KCNU1: variants seen among roughly 807,000 people sequenced by gnomAD.
The protein encoded by KCNU1 is potassium calcium-activated channel subfamily U member 1.
A neutral mutation model predicts 126.8 loss-of-function variants in KCNU1; 93 were observed. That is an observed-to-expected ratio of 0.73 (90% CI 0.62 to 0.87). KCNU1 has a LOEUF of 0.87. KCNU1 is among the 40% of genes least tolerant of loss of function. The pLI, the probability that KCNU1 is intolerant of heterozygous loss-of-function variation, is 0.00. For missense variants in KCNU1, 1,330 were observed against 1,367.1 expected, an observed-to-expected ratio of 0.97 and a Z score of 0.43; for synonymous variants, 523 against 494.2, an observed-to-expected ratio of 1.06 and a Z score of -0.77.
At chr8:36,787,055 A>G (rs888200084) in intron 1 of KCNU1, among the ~76,000 whole-genome samples, 1 of 152,226 alleles carries the variant, frequency 6.6e-6, no homozygotes, top group Non-Finnish European at 1.5e-5. Context: ...GACCGGGTAT[A>G]CATGAGAAAG....
At position 36,936,072 on chromosome 8, in the gene KCNU1, C is replaced by A; in HGVS notation, c.*152C>A. The stretch of plus-strand genomic sequence containing the variant: ...GAAGGCCACACTGTTTTGGGTGAGA[C>A]AAAAGTCTAATGCCACTGGATCTTG... On this transcript the variant is annotated 3_prime_UTR_variant, in exon 27 of 27. Coordinates refer to ENST00000399881, the MANE Select transcript of KCNU1 (RefSeq NM_001031836.3). 3 of 585,070 alleles carry A rather than the reference C, an allele frequency of 5.1e-6. No homozygotes were observed. The highest frequency in any genetic ancestry group is 3.5e-5 in the Admixed American group (1 of 28,452). The allele number at this position is 585,070 out of a possible 1,614,324, so 36.2% of individuals were successfully genotyped here. A position where few individuals can be genotyped will look rare whatever the true frequency, so the allele number is the denominator to read the frequency against.
chr8:36,839,214 G>A (rs972960932), intron 14 of KCNU1, among the ~76,000 whole-genome samples: 4 of 152,198 alleles, frequency 2.6e-5, no homozygotes, highest in Admixed American at 6.5e-5. Context: ...CCTGGGTTCA[G>A]AGCATGGCCT....
intron 10 of KCNU1, among the ~76,000 whole-genome samples, chr8:36,826,306 T>A (rs1360525027): frequency 1.4e-4 from 21 of 151,828 alleles, no homozygotes; most frequent in Admixed American, 1.4e-3. Flanking sequence ...GCCTCCCGGG[T>A]TCAAGTGATT....
At chr8:36,887,408 G>A (rs1337243249) in intron 19 of KCNU1, among the ~76,000 whole-genome samples, 6 of 145,272 alleles carry the variant, frequency 4.1e-5, no homozygotes, top group African/African-American at 1.5e-4. Flanking sequence ...TTCTGAAAAC[G>A]TTGAGCATTT....
In KCNU1 at chr8:36,935,583, C is replaced by T. The variant is rs545521708; in HGVS notation, c.3113C>T (p.Pro1038Leu). The T allele has an allele frequency of 1.2e-6, 2 of 1,612,822 alleles. No individual in the cohort carries two copies. The highest frequency in any genetic ancestry group is 1.7e-5 in the Admixed American group (1 of 59,918). Residue 1038 changes from proline to leucine, a missense_variant, in exon 27 of 27, where the codon CCC (proline) becomes CTC (leucine). Coordinates refer to ENST00000399881, the MANE Select transcript of KCNU1 (RefSeq NM_001031836.3). ...TCAGATCTTGTGTTTTGTGCCATAC[C>T]CTTCAGCACTGCTTGTTATAAAAGG... is the stretch of plus-strand genomic sequence containing the variant. ...LPSDLVFCAI[P>L]FSTACYKRNE...
At chr8:36,800,081 T>A (rs1242677669) in intron 2 of KCNU1, among the ~76,000 whole-genome samples, 2 of 152,132 alleles carry the variant, frequency 1.3e-5, no homozygotes, top group Non-Finnish European at 2.9e-5. Flanking sequence ...CACTAGAAAC[T>A]CTAATTGTAA....
intron 25 of KCNU1, among the ~76,000 whole-genome samples, chr8:36,931,677 T>C (rs1012698344): frequency 6.6e-6 from 1 of 152,000 alleles, no homozygotes; most frequent in Non-Finnish European, 1.5e-5. Flanking sequence ...GCTACAGCAG[T>C]TTGACCCTGG....
intron 19 of KCNU1, among the ~76,000 whole-genome samples, chr8:36,877,864 C>T (rs1190202716): frequency 6.6e-6 from 1 of 152,148 alleles, no homozygotes; most frequent in African/African-American, 2.4e-5. Context: ...CTCAAAAGCC[C>T]TCTAAACTCG....
chr8:36,787,428 A>C lies in KCNU1; in HGVS notation c.315+3A>C, dbSNP rs1802747353. Reference sequence around the variant, plus strand: ...AGACCTTTGTGGGGCAAGTGTTGGTAAGTACATTTTCAGTGTTAGCTTGCT... The same window carrying C: ...AGACCTTTGTGGGGCAAGTGTTGGTCAGTACATTTTCAGTGTTAGCTTGCT... On this transcript the variant is annotated splice_donor_region_variant and intron_variant, in intron 2 of 26. Transcript: ENST00000399881. The C allele has an allele frequency of 5.0e-6, 8 of 1,604,810 alleles. No individual in the cohort carries two copies. The highest frequency in any genetic ancestry group is 6.8e-6 in the Non-Finnish European group (8 of 1,175,132).
intron 19 of KCNU1, among the ~76,000 whole-genome samples, chr8:36,876,262 A>G (rs1806274773): frequency 6.6e-6 from 1 of 152,200 alleles, no homozygotes; most frequent in African/African-American, 2.4e-5. Context: ...ACTTCTCTAC[A>G]TAGATTCTAT....
chr8:36,899,529 T>A (rs936639095), intron 19 of KCNU1, among the ~76,000 whole-genome samples: 2 of 152,136 alleles, frequency 1.3e-5, no homozygotes, highest in Non-Finnish European at 2.9e-5. Context: ...CATTTACAGA[T>A]GTTTTTTAAA....
chr8:36,933,829 T>C (rs1328123614), intron 26 of KCNU1, among the ~76,000 whole-genome samples: 1 of 151,966 alleles, frequency 6.6e-6, no homozygotes, highest in African/African-American at 2.4e-5. Flanking sequence ...TAGCTCTAGG[T>C]GAGGGCTGTG....
Position 36,784,578 on chromosome 8 carries a change from A to C in KCNU1, c.168A>C (p.Gln56His). 1.9e-6 allele frequency: 3 copies of C among 1,613,428 alleles called. No individual in the cohort carries two copies. The highest frequency in any genetic ancestry group is 2.5e-6 in the Non-Finnish European group (3 of 1,179,598). The change falls in exon 1 of 27, where the codon CAA (glutamine) becomes CAC (histidine). Residue 56 changes from glutamine (Q) to histidine (H), a missense_variant. Physicochemically the swap from Gln to His is conservative, Grantham distance 24. Coordinates refer to ENST00000399881, the MANE Select transcript of KCNU1 (RefSeq NM_001031836.3). ...TCTGGAGATCTGTTAAAAAATGGCA[A>C]ATCATCAAGGGAACAGGAATTATCT... is the stretch of plus-strand genomic sequence containing the variant. ...RLIWRSVKKW[Q>H]IIKGTGIILE... is the part of the protein sequence containing the mutation.
At chr8:36,876,345 C>T (rs1223623685) in intron 19 of KCNU1, among the ~76,000 whole-genome samples, 1 of 152,154 alleles carries the variant, frequency 6.6e-6, no homozygotes, top group Non-Finnish European at 1.5e-5. Context: ...AAGGAACCAT[C>T]CTGGGTGGCT....
chr8:36,785,234 CA>C (rs2130305924), intron 1 of KCNU1, among the ~76,000 whole-genome samples: 2 of 152,298 alleles, frequency 1.3e-5, no homozygotes, highest in East Asian at 3.9e-4. Flanking sequence ...ATGTATTATA[CA>C]GATAAGGCAT....
At chr8:36,836,491 A>T (rs1430026368) in intron 13 of KCNU1, 126 bp downstream of exon 13, 1 of 661,196 alleles carries the variant, frequency 1.5e-6, no homozygotes, top group Non-Finnish European at 2.6e-6. Context: ...TTGGAGTCTT[A>T]TTAAGATGGA....
At chr8:36,832,751 T>G (rs903407274) in intron 10 of KCNU1, among the ~76,000 whole-genome samples, 1 of 152,152 alleles carries the variant, frequency 6.6e-6, no homozygotes, top group Non-Finnish European at 1.5e-5. Context: ...CTTGTTTTCA[T>G]CATTTCTTTT....
At chr8:36,793,209 TA>T (rs1296345787) in intron 2 of KCNU1, among the ~76,000 whole-genome samples, 19 of 68,268 alleles carry the variant, frequency 2.8e-4, no homozygotes, top group African/African-American at 1.0e-3. Flanking sequence ...TGTTGTGGGA[TA>T]GGGGGAGGGG....
chr8:36,922,724 G>A, intron 24 of KCNU1, 95 bp downstream of exon 24: 1 of 1,233,532 alleles, frequency 8.1e-7, no homozygotes, highest in Non-Finnish European at 1.1e-6. Context: ...ACACCTCACA[G>A]TTCTAAGTTC....
Sources: allele counts gnomAD v4.1 joint callset (sites outside exome capture counted in the v4.1 genomes callset), GRCh38; gene constraint gnomAD v4.1.1; transcripts MANE v1.5; gene names NCBI Gene and HGNC (gene_info 2026-07-23, HGNC 2026-07-21).